The following PAN3 variants were observed in gnomAD, a reference collection of about 807,000 sequenced individuals.
The protein encoded by PAN3 is poly(A) specific ribonuclease subunit PAN3, also known as PAN2-PAN3 deadenylation complex subunit PAN3.
In PAN3, 19 loss-of-function variants were observed where a neutral mutation model predicts 96.2. The ratio of observed to expected loss-of-function variants is 0.20; its 90% CI spans 0.14 to 0.29. PAN3 has a LOEUF of 0.29. Among genes scored for constraint, PAN3 ranks in the 10% least tolerant of loss-of-function variants. The pLI, the probability that PAN3 is intolerant of heterozygous loss-of-function variation, is 1.00. For synonymous variants in PAN3, 433 were observed against 406.6 expected (o/e 1.06, Z -0.78); for missense variants, 882 against 1,108.1 (o/e 0.80, Z 2.90).
chr13:28,157,134 C>T (rs752483663), intron 1 of PAN3, among the ~76,000 whole-genome samples: 5 of 150,452 alleles, frequency 3.3e-5, no homozygotes, highest in African/African-American at 1.2e-4. Flanking sequence ...ACCATATTAT[C>T]ATCTCAATAG....
intron 17 of PAN3, among the ~76,000 whole-genome samples, chr13:28,286,027 A>C: frequency 6.6e-6 from 1 of 152,242 alleles, no homozygotes; most frequent in East Asian, 1.9e-4. Flanking sequence ...ATTAAAAATA[A>C]GGTCCTAAAA....
chr13:28,247,022 G>A (rs148749686), intron 6 of PAN3, among the ~76,000 whole-genome samples: 2 of 152,038 alleles, frequency 1.3e-5, no homozygotes, highest in Non-Finnish European at 2.9e-5. Flanking sequence ...GGCTGTACTC[G>A]TTTTCATTCC....
intron 1 of PAN3, among the ~76,000 whole-genome samples, chr13:28,141,011 T>TTTTTTTTA (rs1869720999): frequency 1.3e-5 from 2 of 148,816 alleles, no homozygotes; most frequent in South Asian, 4.3e-4. Flanking sequence ...CACTTTTTTT[T>TTTTTTTTA]TTTTTTTTTT....
At chr13:28,142,380 C>G (rs1188350094) in intron 1 of PAN3, among the ~76,000 whole-genome samples, 2 of 152,022 alleles carry the variant, frequency 1.3e-5, no homozygotes, top group African/African-American at 4.8e-5. Context: ...GTTGTCCAGG[C>G]TGGTTTCGAA....
At chr13:28,139,676 G>A (rs1371265858) in intron 1 of PAN3, among the ~76,000 whole-genome samples, 1 of 152,048 alleles carries the variant, frequency 6.6e-6, no homozygotes, top group African/African-American at 2.4e-5. Flanking sequence ...AGGATTAGGA[G>A]GGAGCGGACT....
At chr13:28,242,038 C>G (rs1883711785) in intron 6 of PAN3, among the ~76,000 whole-genome samples, 1 of 152,138 alleles carries the variant, frequency 6.6e-6, no homozygotes, top group South Asian at 2.1e-4. Context: ...CATGTTTACC[C>G]AGATTGCATT....
chr13:28,261,005 T>TA (rs1175731791), intron 8 of PAN3, among the ~76,000 whole-genome samples: 121 of 152,362 alleles, frequency 7.9e-4, no homozygotes, highest in African/African-American at 2.7e-3. Context: ...ATTTGGTATG[T>TA]AGAATTTCAC....
intron 4 of PAN3, among the ~76,000 whole-genome samples, chr13:28,190,715 G>C (rs967550649): frequency 7.2e-5 from 11 of 152,298 alleles, no homozygotes; most frequent in African/African-American, 2.6e-4. Flanking sequence ...TAGAATCATG[G>C]TAAGTGATAA....
intron 5 of PAN3, among the ~76,000 whole-genome samples, chr13:28,201,348 A>C (rs1318394766): frequency 1.3e-5 from 2 of 151,416 alleles, no homozygotes; most frequent in African/African-American, 4.9e-5. Flanking sequence ...TGGCCATGAA[A>C]TTTCTTTCTT....
Position 28,267,397 on chromosome 13 carries a change from G to A in PAN3, c.1788G>A (p.Lys596=), listed in dbSNP as rs773169905. The change falls in exon 12 of 19, where the codon AAG becomes AAA. Residue 596 remains lysine (K), a synonymous_variant. Transcript: ENST00000380958. ...PNADAYFTKR[K]WGQHEGPLPR... is the part of the protein sequence containing the mutation. ...CTGATGCCTACTTCACCAAGAGAAA[G>A]TGGGGTAAGAAAAAGATGCAGGCAA... 1 of 1,612,178 alleles carries A rather than the reference G, an allele frequency of 6.2e-7. No homozygotes were observed. The highest frequency in any genetic ancestry group is 1.1e-5 in the South Asian group (1 of 91,018).
intron 1 of PAN3, among the ~76,000 whole-genome samples, chr13:28,167,768 C>T (rs531549916): frequency 5.9e-5 from 9 of 152,010 alleles, no homozygotes; most frequent in Non-Finnish European, 1.0e-4. Flanking sequence ...TCCTTGAACC[C>T]GGGAGTCCGA....
intron 6 of PAN3, chr13:28,232,412 G>A (rs1440721885): frequency 6.6e-6 from 1 of 151,870 alleles, no homozygotes; most frequent in African/African-American, 2.4e-5. Flanking sequence ...CTATTGATTT[G>A]ACCCACTTTA....
chr13:28,270,213 T>C lies in PAN3; in HGVS notation c.1793-488T>C, dbSNP rs186242169. On this transcript the variant is annotated intron_variant, in intron 12 of 18. Transcript: ENST00000380958. ...TTAATGAGTTGATAGAATCCACCTT[T>C]GTGGTAGAGGGGCCTGAGTGATATA... Among the ~76,000 whole-genome samples, 11 of 152,340 alleles carry C rather than the reference T, an allele frequency of 7.2e-5. No individual in the cohort carries two copies. In the South Asian group the frequency reaches 2.1e-3, roughly 29 times the overall value.
At chr13:28,233,378 TGCCTCA>T (rs1311640912) in intron 6 of PAN3, among the ~76,000 whole-genome samples, 1 of 151,888 alleles carries the variant, frequency 6.6e-6, no homozygotes, top group African/African-American at 2.4e-5. Flanking sequence ...GCGATTCTCC[TGCCTCA>T]GCCTCCTGAG....
At chr13:28,148,442 C>T (rs1566135832) in intron 1 of PAN3, among the ~76,000 whole-genome samples, 1 of 151,926 alleles carries the variant, frequency 6.6e-6, no homozygotes, top group East Asian at 1.9e-4. Flanking sequence ...ACCACCATGC[C>T]TGGTTATATA....
At chr13:28,287,951 G>C (rs201148382) in intron 17 of PAN3, 33 bp from the exon 18 acceptor site, 195 of 1,590,224 alleles carry the variant, frequency 1.2e-4, no homozygotes, top group Middle Eastern at 3.4e-4. Flanking sequence ...CATACAGCAT[G>C]AGTTACTGAG....
At chr13:28,208,757 A>G (rs1013445701) in intron 5 of PAN3, among the ~76,000 whole-genome samples, 2 of 152,138 alleles carry the variant, frequency 1.3e-5, no homozygotes, top group African/African-American at 4.8e-5. Flanking sequence ...TATTCTTTGG[A>G]TACAGATTAT....
chr13:28,290,084 A>G lies in PAN3; in HGVS notation c.2523+1962A>G, dbSNP rs530874548. Among the ~76,000 whole-genome samples, 10 of 152,352 alleles carry G rather than the reference A, an allele frequency of 6.6e-5. No homozygotes were observed. The East Asian group carries it at 1.9e-3, about 29-fold the overall frequency. On this transcript the variant is annotated intron_variant, in intron 18 of 18. Transcript: ENST00000380958. ...AATCCGTTCTATGGCCTATTTTTTT[A>G]AAGCGTGAGAGCCTCGAATAGTTTT...
At chr13:28,140,840 A>G (rs917533425) in intron 1 of PAN3, among the ~76,000 whole-genome samples, 1 of 152,154 alleles carries the variant, frequency 6.6e-6, no homozygotes, top group Non-Finnish European at 1.5e-5. Context: ...GATGTTTTGT[A>G]AAACAAATGG....
Sources: allele counts gnomAD v4.1 joint callset (sites outside exome capture counted in the v4.1 genomes callset), GRCh38; gene constraint gnomAD v4.1.1; transcripts MANE v1.5; gene names NCBI Gene and HGNC (gene_info 2026-07-23, HGNC 2026-07-21).